Variants in PTPRD observed in about 807,000 individuals in gnomAD.
The protein encoded by PTPRD is receptor-type tyrosine-protein phosphatase delta.
A neutral mutation model predicts 214.5 loss-of-function variants in PTPRD; 34 were observed. The ratio of observed to expected loss-of-function variants is 0.16; its 90% CI spans 0.12 to 0.21. The LOEUF is 0.21. PTPRD is among the 10% of genes least tolerant of loss of function. The probability of loss-of-function intolerance (pLI) is 1.00; values close to 1 mark genes in which losing one functional copy is unlikely to be tolerated. For missense variants in PTPRD, 2,545 were observed against 2,398.7 expected (o/e 1.06, Z -1.27); for synonymous variants, 1,128 against 845.7 (o/e 1.33, Z -5.79).
At position 9,828,047 on chromosome 9, in the gene PTPRD, C is replaced by T. The variant is rs180716468; in HGVS notation, c.-367-61196G>A. 4.4e-3 allele frequency among the ~76,000 whole-genome samples: 673 copies of T among 152,304 alleles called. 2 individuals are homozygous for T. Among genetic ancestry groups the T allele is most frequent in the Non-Finnish European group, 7.3e-3 (497 of 68,020 alleles). ...GTGGAGAAATAGGAACACTTTTACA[C>T]TGTTGGTGGGACTGTAAACTAGCTC... is the stretch of plus-strand genomic sequence containing the variant. On this transcript the variant is annotated intron_variant, in intron 5 of 45. Transcript: ENST00000381196.
At chr9:10,186,827 C>CA (rs918474005) in intron 3 of PTPRD, among the ~76,000 whole-genome samples, 29 of 151,456 alleles carry the variant, frequency 1.9e-4, no homozygotes, top group Admixed American at 3.3e-4. Flanking sequence ...TACTGAAAAA[C>CA]AAAAAAAACT....
intron 4 of PTPRD, among the ~76,000 whole-genome samples, chr9:9,979,885 G>C (rs941029195): frequency 6.6e-6 from 1 of 151,984 alleles, no homozygotes; most frequent in Non-Finnish European, 1.5e-5. Context: ...GCACAGCAAC[G>C]GGCAAAATAC....
intron 9 of PTPRD, among the ~76,000 whole-genome samples, chr9:9,392,347 T>G (rs2066157902): frequency 6.6e-6 from 1 of 152,202 alleles, no homozygotes; most frequent in Admixed American, 6.6e-5. Context: ...TTCTGTACAT[T>G]ACAGATAGGT....
intron 42 of PTPRD, among the ~76,000 whole-genome samples, chr9:8,339,443 G>A (rs553241993): frequency 6.6e-6 from 1 of 152,098 alleles, no homozygotes; most frequent in East Asian, 1.9e-4. Context: ...CACCACTATG[G>A]TTTGGAATGA....
intron 5 of PTPRD, among the ~76,000 whole-genome samples, chr9:9,844,711 A>G (rs1389898718): frequency 6.6e-6 from 1 of 151,966 alleles, no homozygotes; most frequent in Non-Finnish European, 1.5e-5. Flanking sequence ...TATTGTATAA[A>G]TAAATCTCAT....
chr9:9,979,653 C>G (rs1239269632), intron 4 of PTPRD, among the ~76,000 whole-genome samples: 1 of 152,012 alleles, frequency 6.6e-6, no homozygotes, highest in South Asian at 2.1e-4. Flanking sequence ...ATGAAGAACT[C>G]AACAAACTAT....
In PTPRD at chr9:8,992,473, TCTC is replaced by T. The variant is rs140945455; in HGVS notation, c.-104+26221_-104+26223del. Among the ~76,000 whole-genome samples the T allele has an allele frequency of 6.7e-3, 1,020 of 152,278 alleles. 5 individuals carry two copies. Among genetic ancestry groups the T allele is most frequent in the African/African-American group, 0.015 (637 of 41,572 alleles). ...CCCAGCAGGATGGTTGCTCAGAGGC[TCTC>T]ACTCTAGAGAGAATGTCACTGTAAG... is the stretch of plus-strand genomic sequence containing the variant. On this transcript the variant is annotated intron_variant, in intron 11 of 45. Transcript: ENST00000381196.
chr9:9,018,550 G>C (rs1182408396), intron 11 of PTPRD, 147 bp downstream of exon 11: 1 of 152,072 alleles, frequency 6.6e-6, no homozygotes, highest in Non-Finnish European at 1.5e-5. Context: ...TGAAAGTGTT[G>C]AACGTTCACT....
intron 4 of PTPRD, 128 bp from the exon 5 acceptor site, chr9:9,938,738 T>A (rs1388740195): frequency 6.6e-6 from 1 of 152,204 alleles, no homozygotes; most frequent in Non-Finnish European, 1.5e-5. Flanking sequence ...AGGAAAGAAG[T>A]ATAAACTCTT....
chr9:9,453,204 G>C (rs1023990224), intron 8 of PTPRD, among the ~76,000 whole-genome samples: 28 of 151,578 alleles, frequency 1.8e-4, no homozygotes, highest in Admixed American at 2.6e-4. Context: ...ATATTTGTTA[G>C]TATGGGTAAT....
chr9:9,659,030 C>A (rs2096573905), intron 7 of PTPRD, among the ~76,000 whole-genome samples: 1 of 151,874 alleles, frequency 6.6e-6, no homozygotes, highest in Non-Finnish European at 1.5e-5. Context: ...ATCTAAAAGC[C>A]AGGCAGGACT....
intron 2 of PTPRD, among the ~76,000 whole-genome samples, chr9:10,504,124 A>AAAAAAAAAAAAC (rs2045023840): frequency 1.5e-5 from 2 of 136,278 alleles, no homozygotes; most frequent in African/African-American, 5.2e-5. Context: ...TCAAAAAAAA[A>AAAAAAAAAAAAC]AAAAAAAAAA....
At chr9:9,428,188 C>A (rs199815729) in intron 8 of PTPRD, among the ~76,000 whole-genome samples, 1 of 151,830 alleles carries the variant, frequency 6.6e-6, no homozygotes, top group African/African-American at 2.4e-5. Flanking sequence ...CAGAGACACA[C>A]AGGCTCAGAA....
At chr9:10,374,765 G>C (rs1046266589) in intron 2 of PTPRD, among the ~76,000 whole-genome samples, 9 of 152,022 alleles carry the variant, frequency 5.9e-5, no homozygotes, top group African/African-American at 2.2e-4. Context: ...TAATTCATAA[G>C]TAAAATATAC....
At chr9:9,370,454 T>C (rs1424636970) in intron 9 of PTPRD, among the ~76,000 whole-genome samples, 3 of 151,220 alleles carry the variant, frequency 2.0e-5, no homozygotes, top group East Asian at 3.9e-4. Flanking sequence ...TTTTTGCACA[T>C]TGATTTTGTA....
chr9:8,471,501 T>C (rs2296099), intron 30 of PTPRD, among the ~76,000 whole-genome samples: 34,806 of 152,052 alleles, frequency 0.23, 3,994 homozygotes, highest in East Asian at 0.29. Flanking sequence ...AATTTCACTC[T>C]TAGCCCACAT....
chr9:9,865,009 TAAACAA>T (rs1302650001), intron 5 of PTPRD, among the ~76,000 whole-genome samples: 1 of 152,068 alleles, frequency 6.6e-6, no homozygotes, highest in Non-Finnish European at 1.5e-5. Flanking sequence ...TATTAAAACA[TAAACAA>T]AAATACCTCT....
chr9:10,474,640 T>C (rs1311727270), intron 2 of PTPRD, among the ~76,000 whole-genome samples: 2 of 152,108 alleles, frequency 1.3e-5, no homozygotes, highest in Admixed American at 6.6e-5. Context: ...GCAGATCTAA[T>C]AGATATGTAT....
At chr9:10,460,894 C>T (rs926736537) in intron 2 of PTPRD, among the ~76,000 whole-genome samples, 9 of 151,966 alleles carry the variant, frequency 5.9e-5, no homozygotes, top group Non-Finnish European at 1.2e-4. Flanking sequence ...ATAAAAGAAA[C>T]GGCATCAAAT....
Sources: gnomAD v4.1 joint callset for allele counts (sites outside exome capture counted in the v4.1 genomes callset) on GRCh38, gnomAD v4.1.1 for gene constraint, MANE v1.5 for transcripts, NCBI Gene and HGNC (gene_info 2026-07-23, HGNC 2026-07-21) for gene names.